ACMSD: variants seen among roughly 807,000 people sequenced by gnomAD.
ACMSD encodes aminocarboxymuconate semialdehyde decarboxylase.
A neutral mutation model predicts 45.9 loss-of-function variants in ACMSD; 37 were observed. The ratio of observed to expected loss-of-function variants is 0.81; its 90% CI spans 0.62 to 1.06. The LOEUF (loss-of-function observed/expected upper bound fraction) is 1.06, where lower values mean the gene tolerates loss of function less well. ACMSD is among the 50% of genes least tolerant of loss of function. ACMSD has a pLI of 0.00. For missense variants in ACMSD, 434 were observed against 420.9 expected (o/e 1.03, Z -0.27); for synonymous variants, 138 against 148.8 (o/e 0.93, Z 0.53).
chr2:134,872,726 A>C (rs1688521720), intron 8 of ACMSD, 85 bp downstream of exon 8: 5 of 1,486,746 alleles, frequency 3.4e-6, no homozygotes, highest in African/African-American at 1.4e-5. Flanking sequence ...GCCTCTCTCC[A>C]AAAAAGGGAT....
intron 5 of ACMSD, among the ~76,000 whole-genome samples, chr2:134,866,151 C>G (rs1214672948): frequency 6.6e-6 from 1 of 151,924 alleles, no homozygotes; most frequent in Non-Finnish European, 1.5e-5. Flanking sequence ...GGGTGAGGAT[C>G]AAAAATCTAC....
intron 2 of ACMSD, 79 bp downstream of exon 2, chr2:134,845,356 C>T: frequency 6.7e-7 from 1 of 1,489,008 alleles, no homozygotes; most frequent in Non-Finnish European, 9.4e-7. Context: ...CAGGCTGGGC[C>T]TCCAGGGAAC....
intron 2 of ACMSD, among the ~76,000 whole-genome samples, chr2:134,848,671 A>C (rs1687193269): frequency 6.6e-6 from 1 of 152,076 alleles, no homozygotes; most frequent in Admixed American, 6.6e-5. Flanking sequence ...GATTCTGGAT[A>C]TTAGCCCTTT....
intron 8 of ACMSD, among the ~76,000 whole-genome samples, chr2:134,888,152 T>C (rs1573712822): frequency 6.6e-6 from 1 of 152,134 alleles, no homozygotes; most frequent in African/African-American, 2.4e-5. Flanking sequence ...CCAAAATTTA[T>C]AAAGAACTAC....
At chr2:134,859,187 T>C (rs1687731424) in intron 2 of ACMSD, 74 bp from the exon 3 acceptor site, 1 of 1,221,410 alleles carries the variant, frequency 8.2e-7, no homozygotes, top group Admixed American at 1.8e-5. Context: ...AGAAATACGT[T>C]CTAAAGCACA....
chr2:134,850,299 G>A lies in ACMSD; in HGVS notation c.102+5022G>A, dbSNP rs187367623. Among the ~76,000 whole-genome samples the A allele has an allele frequency of 2.8e-3, 407 of 143,840 alleles. 1 individual carries two copies. Among genetic ancestry groups the A allele is most frequent in the African/African-American group, 9.8e-3 (376 of 38,504 alleles). The allele number at this position is 143,840 out of a possible 152,430, so 94.4% of individuals were successfully genotyped here. A position where few individuals can be genotyped will look rare whatever the true frequency, so the allele number is the denominator to read the frequency against. On this transcript the variant is annotated intron_variant, in intron 2 of 9. Transcript: ENST00000356140. Reference sequence around the variant, plus strand: ...TTTTTTTTTTCTGAGATGGAGTTTCGCTCTTGTTGCCCAGGATGGAGTGCA... The same window carrying A: ...TTTTTTTTTTCTGAGATGGAGTTTCACTCTTGTTGCCCAGGATGGAGTGCA...
intron 2 of ACMSD, among the ~76,000 whole-genome samples, chr2:134,854,550 C>T (rs879638265): frequency 6.6e-6 from 1 of 152,154 alleles, no homozygotes; most frequent in Non-Finnish European, 1.5e-5. Flanking sequence ...TAGACAACAC[C>T]CCTGTCTACA....
intron 8 of ACMSD, among the ~76,000 whole-genome samples, chr2:134,880,936 G>A (rs934586630): frequency 1.3e-4 from 20 of 151,818 alleles, no homozygotes; most frequent in African/African-American, 4.6e-4. Context: ...TTTTTTTAAC[G>A]GGCCTGTTTC....
chr2:134,871,153 AG>A, intron 7 of ACMSD, 93 bp downstream of exon 7: 1 of 1,145,598 alleles, frequency 8.7e-7, no homozygotes, highest in Non-Finnish European at 1.3e-6. Context: ...ATTTTCTCAC[AG>A]TCCTGGAGGC....
chr2:134,854,375 T>C (rs887243973), intron 2 of ACMSD, among the ~76,000 whole-genome samples: 1 of 152,236 alleles, frequency 6.6e-6, no homozygotes, highest in Non-Finnish European at 1.5e-5. Flanking sequence ...GATCAAGCTC[T>C]GAGGGCTGTG....
chr2:134,900,413 C>T (rs1235614671), intron 9 of ACMSD, among the ~76,000 whole-genome samples: 2 of 152,074 alleles, frequency 1.3e-5, no homozygotes, highest in African/African-American at 2.4e-5. Context: ...CGCCATATTG[C>T]CATGCTTGTG....
chr2:134,875,177 T>G (rs1413376071), intron 8 of ACMSD, among the ~76,000 whole-genome samples: 2 of 152,182 alleles, frequency 1.3e-5, no homozygotes, highest in Non-Finnish European at 2.9e-5. Context: ...TTTTTTTTAT[T>G]TTTTGTAGAG....
chr2:134,876,906 C>G (rs1688764285), intron 8 of ACMSD, among the ~76,000 whole-genome samples: 1 of 152,086 alleles, frequency 6.6e-6, no homozygotes, highest in African/African-American at 2.4e-5. Flanking sequence ...TTCAACCTCC[C>G]AAGTAGCTGG....
chr2:134,898,435 CA>C lies in ACMSD; in HGVS notation c.947del (p.Lys316ArgfsTer23), dbSNP rs759800636. The stretch of plus-strand genomic sequence containing the variant: ...TCCATGGAAGAATTTGATGAAGAAA[CA>C]AAGGTATAATGTCTTTTACTTCACG... ...IESMEEFDEE[T>X]KNKLKAGNAL... is the part of the protein sequence containing the mutation. On this transcript the variant is annotated frameshift_variant, in exon 9 of 10. Transcript: ENST00000356140. LOFTEE classifies it high-confidence loss of function. 2 of 1,590,340 alleles carry C rather than the reference CA, an allele frequency of 1.3e-6. No individual in the cohort carries two copies. Among genetic ancestry groups the C allele is most frequent in the Non-Finnish European group, 1.7e-6 (2 of 1,169,772 alleles).
intron 6 of ACMSD, among the ~76,000 whole-genome samples, chr2:134,869,289 T>C (rs544909261): frequency 6.6e-6 from 1 of 152,236 alleles, no homozygotes; most frequent in Non-Finnish European, 1.5e-5. Context: ...CTCACCTCAC[T>C]GCAACCTCTG....
chr2:134,841,089 C>T (rs1559035476), intron 1 of ACMSD, among the ~76,000 whole-genome samples: 1 of 152,238 alleles, frequency 6.6e-6, no homozygotes, highest in African/African-American at 2.4e-5. Flanking sequence ...TGATACACTT[C>T]ATCATCACCA....
chr2:134,893,415 T>C (rs1244100006), intron 8 of ACMSD, among the ~76,000 whole-genome samples: 1 of 152,160 alleles, frequency 6.6e-6, no homozygotes, highest in Non-Finnish European at 1.5e-5. Flanking sequence ...CTTGAACTCC[T>C]GAGCTCAAGT....
intron 1 of ACMSD, among the ~76,000 whole-genome samples, chr2:134,841,480 A>G (rs1262067202): frequency 6.6e-6 from 1 of 152,182 alleles, no homozygotes; most frequent in African/African-American, 2.4e-5. Context: ...GCTAATAATA[A>G]TTTTAGTCAG....
intron 1 of ACMSD, among the ~76,000 whole-genome samples, chr2:134,840,167 CA>C (rs1158518481): frequency 0.049 from 1,158 of 23,404 alleles, 7 homozygotes; most frequent in Middle Eastern, 0.11. Flanking sequence ...CTATACCTAG[CA>C]AAAAAAAAAA....
Sources: allele counts gnomAD v4.1 joint callset (sites outside exome capture counted in the v4.1 genomes callset), GRCh38; gene constraint gnomAD v4.1.1; transcripts MANE v1.5; gene names NCBI Gene and HGNC (gene_info 2026-07-23, HGNC 2026-07-21).